EXOC6B: variants seen among roughly 807,000 people sequenced by gnomAD.
The protein encoded by EXOC6B is exocyst complex component 6B.
In EXOC6B, 54 loss-of-function variants were observed where a neutral mutation model predicts 113.5. The observed-to-expected ratio is 0.48, with a 90% confidence interval of 0.38 to 0.60. The LOEUF (loss-of-function observed/expected upper bound fraction) is 0.60, where lower values mean the gene tolerates loss of function less well. Ranked by LOEUF, EXOC6B falls within the 20% of genes least tolerant of loss-of-function variation. The pLI is 0.00. For missense variants in EXOC6B, 797 were observed against 977.5 expected (o/e 0.82, Z 2.46); for synonymous variants, 357 against 339.0 (o/e 1.05, Z -0.58).
rs533422896 is a variant in EXOC6B, at chr2:72,517,279, C to T, written c.916-2153G>A. 3.9e-3 allele frequency among the ~76,000 whole-genome samples: 597 copies of T among 152,252 alleles called. 3 individuals carry two copies. The highest frequency in any genetic ancestry group is 6.0e-3 in the Non-Finnish European group (411 of 68,010). On this transcript the variant is annotated intron_variant, in intron 8 of 21. Coordinates refer to ENST00000272427, the MANE Select transcript of EXOC6B (RefSeq NM_015189.3). Reference sequence around the variant, plus strand: ...CAGTTTTCACCTTTCATTAAATATTCCTTTTCTTTTGATTTTAAAAATGTA... The same window carrying T: ...CAGTTTTCACCTTTCATTAAATATTTCTTTTCTTTTGATTTTAAAAATGTA...
At chr2:72,361,251 A>T (rs755488392) in intron 19 of EXOC6B, among the ~76,000 whole-genome samples, 6 of 152,206 alleles carry the variant, frequency 3.9e-5, no homozygotes, top group Non-Finnish European at 8.8e-5. Context: ...TTTGATTGAC[A>T]ACTTAATTAC....
chr2:72,208,079 T>TA (rs1193986884), intron 20 of EXOC6B, among the ~76,000 whole-genome samples: 8 of 152,106 alleles, frequency 5.3e-5, no homozygotes, highest in South Asian at 2.1e-4. Flanking sequence ...TTCATCTTTT[T>TA]AAAAAAAATT....
At chr2:72,734,643 C>G (rs895989582) in intron 2 of EXOC6B, among the ~76,000 whole-genome samples, 1 of 152,108 alleles carries the variant, frequency 6.6e-6, no homozygotes, top group Non-Finnish European at 1.5e-5. Flanking sequence ...AAACAGGAGG[C>G]AAGCTGGATT....
intron 1 of EXOC6B, among the ~76,000 whole-genome samples, chr2:72,799,378 T>C (rs1685161566): frequency 6.6e-6 from 1 of 151,698 alleles, no homozygotes; most frequent in South Asian, 2.1e-4. Context: ...GAGACCAACC[T>C]GGGCAACATA....
chr2:72,222,560 T>C (rs1350459442), intron 20 of EXOC6B, among the ~76,000 whole-genome samples: 1 of 152,140 alleles, frequency 6.6e-6, no homozygotes, highest in Non-Finnish European at 1.5e-5. Context: ...GCTAAGCTGA[T>C]TATCAGCTGG....
chr2:72,679,849 G>A (rs1676568466), intron 6 of EXOC6B, among the ~76,000 whole-genome samples: 1 of 152,174 alleles, frequency 6.6e-6, no homozygotes, highest in East Asian at 1.9e-4. Context: ...TCAAGGGAAG[G>A]CTGCACGGAT....
At chr2:72,225,075 C>G (rs1401651782) in intron 20 of EXOC6B, among the ~76,000 whole-genome samples, 2 of 148,944 alleles carry the variant, frequency 1.3e-5, no homozygotes, top group East Asian at 3.9e-4. Flanking sequence ...TGGTCTCAAA[C>G]TCCTGGGCTG....
At chr2:72,250,719 T>C (rs1682961847) in intron 20 of EXOC6B, among the ~76,000 whole-genome samples, 1 of 152,122 alleles carries the variant, frequency 6.6e-6, no homozygotes, top group Admixed American at 6.5e-5. Flanking sequence ...TCTATTATGA[T>C]TTTTTGGAAA....
intron 18 of EXOC6B, among the ~76,000 whole-genome samples, chr2:72,401,036 A>C (rs1693112102): frequency 6.6e-6 from 1 of 152,042 alleles, no homozygotes; most frequent in South Asian, 2.1e-4. Context: ...ATAAGGAATC[A>C]ACCTAAGTGT....
At chr2:72,223,444 A>G (rs1233131849) in intron 20 of EXOC6B, among the ~76,000 whole-genome samples, 1 of 152,204 alleles carries the variant, frequency 6.6e-6, no homozygotes, top group African/African-American at 2.4e-5. Flanking sequence ...TTGCAAACAG[A>G]GCAAGCCAGA....
chr2:72,429,562 G>A (rs55727931), intron 18 of EXOC6B, among the ~76,000 whole-genome samples: 33,672 of 152,132 alleles, frequency 0.22, 7,250 homozygotes, highest in African/African-American at 0.57. Context: ...ACTAATTTCA[G>A]TGGTAGCAAT....
At position 72,492,356 on chromosome 2, in the gene EXOC6B, G is replaced by T; in HGVS notation, c.1627C>A (p.Gln543Lys). ...LLTRTLSNSL[Q>K]NVIKRKNIGL... ...ATATTCTTCCTTTTAATTACATTCTGCAGAGAGTTGCTCAGAGTCCTGGTT... is the reference window on the plus strand; with the variant it reads ...ATATTCTTCCTTTTAATTACATTCTTCAGAGAGTTGCTCAGAGTCCTGGTT... The change falls in exon 16 of 22, where the codon CAG (glutamine) becomes AAG (lysine). Residue 543 changes from glutamine (Q) to lysine (K), a missense_variant. Gln to Lys is a moderately conservative substitution (Grantham distance 53, BLOSUM62 1). Coordinates refer to ENST00000272427, the MANE Select transcript of EXOC6B (RefSeq NM_015189.3). The T allele has an allele frequency of 1.2e-6, 2 of 1,612,678 alleles. No homozygotes were observed. Among genetic ancestry groups the T allele is most frequent in the East Asian group, 2.2e-5 (1 of 44,826 alleles).
chr2:72,469,272 T>G (rs1698252256), intron 17 of EXOC6B, among the ~76,000 whole-genome samples: 1 of 152,128 alleles, frequency 6.6e-6, no homozygotes, highest in Admixed American at 6.5e-5. Context: ...CTACTGATTT[T>G]CTATACTGGT....
At position 72,215,851 on chromosome 2, in the gene EXOC6B, A is replaced by G. The variant is rs368050171; in HGVS notation, c.2197-31664T>C. Among the ~76,000 whole-genome samples, 15 of 152,262 alleles carry G rather than the reference A, an allele frequency of 9.9e-5. 1 individual carries two copies. The East Asian group carries it at 2.7e-3, about 28-fold the overall frequency. Reference sequence around the variant, plus strand: ...AGTAGTCACTGCAGGAAAGGAAAAAAGCTTAGCCTTAGGTGCTTCTGTCCT... The same window carrying G: ...AGTAGTCACTGCAGGAAAGGAAAAAGGCTTAGCCTTAGGTGCTTCTGTCCT... On this transcript the variant is annotated intron_variant, in intron 20 of 21. Coordinates refer to ENST00000272427, the MANE Select transcript of EXOC6B (RefSeq NM_015189.3).
chr2:72,612,390 C>G (rs1272693287), intron 6 of EXOC6B, among the ~76,000 whole-genome samples: 1 of 152,070 alleles, frequency 6.6e-6, no homozygotes, highest in African/African-American at 2.4e-5. Flanking sequence ...AAGGTAGTAT[C>G]CTAAGTGAGG....
chr2:72,515,513 G>T (rs1042859397), intron 8 of EXOC6B: 10 of 1,020,664 alleles, frequency 9.8e-6, no homozygotes, highest in Non-Finnish European at 1.1e-5. Flanking sequence ...AAAACATCAA[G>T]AATAAAAATG....
chr2:72,401,185 G>A (rs1573034031), intron 18 of EXOC6B, among the ~76,000 whole-genome samples: 1 of 151,596 alleles, frequency 6.6e-6, no homozygotes, highest in East Asian at 2.0e-4. Context: ...ATATGGCCAG[G>A]CGTGGTAACT....
intron 2 of EXOC6B, among the ~76,000 whole-genome samples, chr2:72,739,401 C>G (rs1239362617): frequency 6.6e-6 from 1 of 151,962 alleles, no homozygotes; most frequent in Non-Finnish European, 1.5e-5. Context: ...TTAGAATGTT[C>G]ACATTTTTCC....
At chr2:72,556,794 G>A (rs1299684436) in intron 8 of EXOC6B, among the ~76,000 whole-genome samples, 1 of 151,724 alleles carries the variant, frequency 6.6e-6, no homozygotes, top group African/African-American at 2.4e-5. Context: ...TAAAATTGAT[G>A]GATGTGATTA....
Sources: allele counts gnomAD v4.1 joint callset (sites outside exome capture counted in the v4.1 genomes callset), GRCh38; gene constraint gnomAD v4.1.1; transcripts MANE v1.5; gene names NCBI Gene and HGNC (gene_info 2026-07-23, HGNC 2026-07-21).